The following MTA3 variants were observed in gnomAD, a reference collection of about 807,000 sequenced individuals.
The protein encoded by MTA3 is metastasis associated 1 family member 3.
MTA3 carries 34 observed loss-of-function variants against 83.5 expected under a neutral mutation model. That is an observed-to-expected ratio of 0.41 (90% confidence interval 0.31 to 0.54). The LOEUF is 0.54. MTA3 is among the 20% of genes least tolerant of loss of function. The pLI is 0.33. For synonymous variants in MTA3, 303 were observed against 252.7 expected, an observed-to-expected ratio of 1.20 and a Z score of -1.89; for missense variants, 761 against 726.4, an observed-to-expected ratio of 1.05 and a Z score of -0.55.
chr2:42,744,608 G>A (rs1669277823), intron 16 of MTA3, among the ~76,000 whole-genome samples: 1 of 152,142 alleles, frequency 6.6e-6, no homozygotes, highest in Admixed American at 6.5e-5. Flanking sequence ...TGACTTGAGA[G>A]CTAGGTCTGA....
chr2:42,754,114 G>T lies in MTA3; in HGVS notation c.*715G>T. Reference sequence around the variant, plus strand: ...TTGGAGAGAAACTGGTGTTCTGCCCGGCTCTGCTTGGTCACAGACAGCTCC... The same window carrying T: ...TTGGAGAGAAACTGGTGTTCTGCCCTGCTCTGCTTGGTCACAGACAGCTCC... On this transcript the variant is annotated 3_prime_UTR_variant, in exon 17 of 17. Transcript: ENST00000405094. The T allele has an allele frequency of 7.1e-6, 7 of 985,420 alleles. No homozygotes were observed. The highest frequency in any genetic ancestry group is 8.4e-6 in the Non-Finnish European group (7 of 829,964). The allele number at this position is 985,420 out of a possible 1,614,324, so 61.0% of individuals were successfully genotyped here. A position where few individuals can be genotyped will look rare whatever the true frequency, so the allele number is the denominator to read the frequency against.
In MTA3 at chr2:42,568,684, T is replaced by TGAG. The variant is rs1274519226; in HGVS notation, c.-54_-52dup. 2.3e-5 allele frequency: 26 copies of TGAG among 1,123,504 alleles called. No individual in the cohort carries two copies. Among genetic ancestry groups the TGAG allele is most frequent in the Admixed American group, 4.9e-5 (1 of 20,482 alleles). The allele number at this position is 1,123,504 out of a possible 1,614,324, so 69.6% of individuals were successfully genotyped here. A position where few individuals can be genotyped will look rare whatever the true frequency, so the allele number is the denominator to read the frequency against. On this transcript the variant is annotated 5_prime_UTR_variant, in exon 1 of 17. Transcript: ENST00000405094. The stretch of plus-strand genomic sequence containing the variant: ...CGGCAGCGGCGGTCGCGGCTGAGGC[T>TGAG]GAGGAGGAGGCGGCGGCGGCGGGCG...
chr2:42,606,286 G>T (rs796717022), intron 3 of MTA3, among the ~76,000 whole-genome samples: 415 of 126,424 alleles, frequency 3.3e-3, no homozygotes, highest in Middle Eastern at 0.01. Context: ...GGGCGGAGAC[G>T]CTCCTCACTT....
intron 15 of MTA3, among the ~76,000 whole-genome samples, chr2:42,722,164 T>G (rs920642542): frequency 1.3e-5 from 2 of 152,220 alleles, no homozygotes; most frequent in Non-Finnish European, 2.9e-5. Flanking sequence ...AGTAGTAAAC[T>G]GAAGTTCTTA....
At chr2:42,534,061 C>G (rs1369962632) in intron 2 of MTA3, among the ~76,000 whole-genome samples, 1 of 151,978 alleles carries the variant, frequency 6.6e-6, no homozygotes, top group Non-Finnish European at 1.5e-5. Context: ...AAACCTGAAA[C>G]CTTCCCTTTG....
chr2:42,629,206 A>C (rs1342087491), intron 4 of MTA3, among the ~76,000 whole-genome samples: 5 of 152,054 alleles, frequency 3.3e-5, no homozygotes, highest in African/African-American at 1.2e-4. Context: ...CAGCCTCCTG[A>C]GTAGCTGGGA....
intron 4 of MTA3, among the ~76,000 whole-genome samples, chr2:42,636,175 A>G (rs1043011694): frequency 6.6e-6 from 1 of 152,144 alleles, no homozygotes; most frequent in African/African-American, 2.4e-5. Flanking sequence ...GAAATTCAGT[A>G]AGTCTGGTAC....
chr2:42,605,185 C>A (rs1168010480), intron 3 of MTA3, among the ~76,000 whole-genome samples: 1 of 144,914 alleles, frequency 6.9e-6, no homozygotes, highest in South Asian at 2.3e-4. Context: ...CCTCACCTCC[C>A]GGACGGGGCG....
At chr2:42,703,950 G>A (rs1028649666) in intron 11 of MTA3, 26 of 348,410 alleles carry the variant, frequency 7.5e-5, no homozygotes, top group Non-Finnish European at 1.4e-4. Flanking sequence ...CCAGAAAAGA[G>A]ATGGGACAGT....
chr2:42,599,968 G>C (rs1267727903), intron 3 of MTA3, among the ~76,000 whole-genome samples: 1 of 152,004 alleles, frequency 6.6e-6, no homozygotes, highest in Non-Finnish European at 1.5e-5. Flanking sequence ...AGGCCGAGGC[G>C]GGCGGATCAC....
chr2:42,733,367 C>T (rs1161472926), intron 16 of MTA3, among the ~76,000 whole-genome samples: 1 of 152,168 alleles, frequency 6.6e-6, no homozygotes, highest in East Asian at 1.9e-4. Context: ...GAGAATAGCA[C>T]AGGAAAGACT....
intron 2 of MTA3, among the ~76,000 whole-genome samples, chr2:42,540,467 C>A (rs1474578407): frequency 2.0e-5 from 3 of 152,022 alleles, no homozygotes; most frequent in South Asian, 4.1e-4. Context: ...CCACAATACC[C>A]AGGCTGTAAA....
intron 2 of MTA3, among the ~76,000 whole-genome samples, chr2:42,545,758 C>T (rs138975872): frequency 1.3e-5 from 2 of 152,230 alleles, no homozygotes; most frequent in African/African-American, 4.8e-5. Flanking sequence ...GATACAAAAG[C>T]AGATAGCTTA....
chr2:42,657,948 T>C (rs1689315877), intron 7 of MTA3, among the ~76,000 whole-genome samples: 1 of 151,474 alleles, frequency 6.6e-6, no homozygotes, highest in South Asian at 2.1e-4. Flanking sequence ...GGTGGGTGCC[T>C]GTAATCCCAG....
chr2:42,518,483 T>C (rs1310511637), intron 2 of MTA3, among the ~76,000 whole-genome samples: 3 of 152,206 alleles, frequency 2.0e-5, no homozygotes, highest in Non-Finnish European at 4.4e-5. Flanking sequence ...AAAGTAGTAT[T>C]GCGTTGTAAG....
At chr2:42,698,513 G>C (rs1003874422) in intron 11 of MTA3, 1 of 151,956 alleles carries the variant, frequency 6.6e-6, no homozygotes, top group South Asian at 2.1e-4. Flanking sequence ...TCCTTTTGTT[G>C]AGATTTTCAG....
intron 16 of MTA3, among the ~76,000 whole-genome samples, chr2:42,744,523 C>T (rs1669267757): frequency 6.6e-6 from 1 of 152,086 alleles, no homozygotes; most frequent in Admixed American, 6.5e-5. Flanking sequence ...TTTAAATTAA[C>T]CTGACCCTCT....
intron 3 of MTA3, among the ~76,000 whole-genome samples, chr2:42,597,100 C>T (rs1316473472): frequency 2.6e-5 from 4 of 151,712 alleles, no homozygotes; most frequent in Admixed American, 6.6e-5. Context: ...TTAGTAGAGA[C>T]GGGGTTTCAC....
chr2:42,660,710 A>G (rs1017484770), intron 8 of MTA3, among the ~76,000 whole-genome samples: 3 of 152,238 alleles, frequency 2.0e-5, no homozygotes, highest in Middle Eastern at 3.2e-3. Flanking sequence ...ATTACATGTA[A>G]CAAAAGTTTC....
Sources: allele counts gnomAD v4.1 joint callset (sites outside exome capture counted in the v4.1 genomes callset), GRCh38; gene constraint gnomAD v4.1.1; transcripts MANE v1.5; gene names NCBI Gene and HGNC (gene_info 2026-07-23, HGNC 2026-07-21).